PLCH2: variants seen among roughly 807,000 people sequenced by gnomAD.
PLCH2 encodes 1-phosphatidylinositol 4,5-bisphosphate phosphodiesterase eta-2.
PLCH2 carries 98 observed loss-of-function variants against 134.7 expected under a neutral mutation model. The observed-to-expected ratio is 0.73, with a 90% CI of 0.62 to 0.86. The LOEUF (loss-of-function observed/expected upper bound fraction) is 0.86, where lower values mean the gene tolerates loss of function less well. PLCH2 is among the 40% of genes least tolerant of loss of function. The pLI is 0.00. For synonymous variants in PLCH2, 974 were observed against 827.5 expected, an observed-to-expected ratio of 1.18 and a Z score of -3.04; for missense variants, 1,994 against 1,986.6, an observed-to-expected ratio of 1.00 and a Z score of -0.07.
chr1:2,459,481 C>T lies in PLCH2; in HGVS notation c.116-18995C>T, dbSNP rs1270455609. Among the ~76,000 whole-genome samples, 38 of 57,718 alleles carry T rather than the reference C, an allele frequency of 6.6e-4. 1 individual carries two copies. Among genetic ancestry groups the T allele is most frequent in the Non-Finnish European group, 1.1e-3 (26 of 24,692 alleles). The allele number at this position is 57,718 out of a possible 152,430, so 37.9% of individuals were successfully genotyped here. A position where few individuals can be genotyped will look rare whatever the true frequency, so the allele number is the denominator to read the frequency against. On this transcript the variant is annotated intron_variant, in intron 2 of 3. Coordinates refer to the PLCH2 transcript ENST00000609981. ...CCTGGTGGTTCTCCTTCCTGGTGGTCCTCCTTCCTGGTGGTCCTCCTTCCT... is the reference window on the plus strand; with the variant it reads ...CCTGGTGGTTCTCCTTCCTGGTGGTTCTCCTTCCTGGTGGTCCTCCTTCCT...
intron 2 of PLCH2, among the ~76,000 whole-genome samples, chr1:2,454,342 G>T (rs921910603): frequency 5.9e-5 from 9 of 152,188 alleles, no homozygotes; most frequent in Admixed American, 5.9e-4. Flanking sequence ...GGGTCTTAGG[G>T]CTGCCTCTGC....
chr1:2,498,602 G>A lies in PLCH2; in HGVS notation c.2304G>A (p.Gln768=), dbSNP rs896020538. Residue 768 remains glutamine, a synonymous_variant, in exon 17 of 22, where the codon CAG becomes CAA. Transcript: ENST00000378486. This position sits in a 1 kb window ranked among gnomAD's most constrained non-coding sequence, Gnocchi z 5.4. The stretch of plus-strand genomic sequence containing the variant: ...TGGTGCTCCGGATCATCAGTGGCCA[G>A]CAGCTTCCCAAGCCGCGCGACTCCA... ...KQLVLRIISG[Q]QLPKPRDSML... 3.1e-6 allele frequency: 5 copies of A among 1,588,758 alleles called. No homozygotes were observed. The highest frequency in any genetic ancestry group is 1.3e-5 in the African/African-American group (1 of 74,284).
At chr1:2,441,085 G>A (rs1477419849) in intron 2 of PLCH2, among the ~76,000 whole-genome samples, 3 of 152,164 alleles carry the variant, frequency 2.0e-5, no homozygotes, top group Non-Finnish European at 2.9e-5. Context: ...GAAGTGGAGG[G>A]GGTGGGTTCC....
At chr1:2,495,899 C>T (rs2100715390) in intron 13 of PLCH2, among the ~76,000 whole-genome samples, 1 of 152,270 alleles carries the variant, frequency 6.6e-6, no homozygotes, top group East Asian at 1.9e-4. Flanking sequence ...GCAACAAATG[C>T]CTGCCATGAA....
chr1:2,487,721 G>T lies in PLCH2; in HGVS notation c.1235+3G>T. 1 of 1,612,570 alleles carries T rather than the reference G, an allele frequency of 6.2e-7. No individual in the cohort carries two copies. The highest frequency in any genetic ancestry group is 1.1e-5 in the South Asian group (1 of 90,866). On this transcript the variant is annotated splice_donor_region_variant and intron_variant, in intron 8 of 21. Coordinates refer to ENST00000378486, the MANE Select transcript of PLCH2 (RefSeq NM_014638.4). ...AAATATGCCTTCATCAAGAATGAGT[G>T]AGTGGCTGGGCCTAGCGGGGCTGGC...
At position 2,496,815 on chromosome 1, in the gene PLCH2, A is replaced by C; in HGVS notation, c.1934-13A>C. 2.5e-6 allele frequency: 4 copies of C among 1,610,842 alleles called. No individual in the cohort carries two copies. Among genetic ancestry groups the C allele is most frequent in the Non-Finnish European group, 3.4e-6 (4 of 1,178,252 alleles). ...AGGACTGGCAGTCTGATGCCCGGTC[A>C]CCGGCGCCACAGCGGCGTCCAGCTG... On this transcript the variant is annotated splice_polypyrimidine_tract_variant and intron_variant, in intron 14 of 21. Transcript: ENST00000378486.
intron 2 of PLCH2, among the ~76,000 whole-genome samples, chr1:2,435,199 G>A (rs1031711703): frequency 4.6e-5 from 7 of 152,184 alleles, no homozygotes; most frequent in Non-Finnish European, 1.0e-4. Flanking sequence ...AGATGGTCCC[G>A]GGGGTGAGGA....
chr1:2,451,943 C>T (rs573788509), intron 2 of PLCH2, among the ~76,000 whole-genome samples: 1 of 152,338 alleles, frequency 6.6e-6, no homozygotes, highest in Middle Eastern at 3.4e-3. Flanking sequence ...TTCTGAGCCC[C>T]GGGATCTTTG....
chr1:2,452,317 A>G (rs10797425), intron 2 of PLCH2, among the ~76,000 whole-genome samples: 70,280 of 152,100 alleles, frequency 0.46, 16,930 homozygotes, highest in East Asian at 0.57. Flanking sequence ...CCTGCCTGGC[A>G]GGTAGCAGCC....
rs1643014585 is a variant in PLCH2 at position 2,498,431 on chromosome 1, G to T, written c.2225-92G>T. 30 of 1,438,018 alleles carry T rather than the reference G, an allele frequency of 2.1e-5. No homozygotes were observed. The highest frequency in any genetic ancestry group is 2.8e-5 in the Non-Finnish European group (30 of 1,062,372). The allele number at this position is 1,438,018 out of a possible 1,614,324, so 89.1% of individuals were successfully genotyped here. ...CACCGGCTCCAGTCTCCTATGTGGG[G>T]GCTGGGGAGGGGGCTGTTGGCAGCC... is the stretch of plus-strand genomic sequence containing the variant. On this transcript the variant is annotated intron_variant, in intron 16 of 21. Coordinates refer to ENST00000378486, the MANE Select transcript of PLCH2 (RefSeq NM_014638.4). The surrounding 1 kb of genome is among the most constrained non-coding windows in gnomAD (Gnocchi z 5.4).
In PLCH2 at chr1:2,477,708, G is replaced by C. The variant is rs564717163; in HGVS notation, c.125-768G>C. The stretch of plus-strand genomic sequence containing the variant: ...AGGAGGGGAGAGAAGGAGCGAGGCA[G>C]GCAGCCTGGGGGAGGGGAGGGGAGG... On this transcript the variant is annotated intron_variant, in intron 1 of 21. Transcript: ENST00000378486. 5.6e-4 allele frequency among the ~76,000 whole-genome samples: 85 copies of C among 152,338 alleles called. 1 individual carries two copies. The highest frequency in any genetic ancestry group is 1.0e-3 in the Non-Finnish European group (70 of 68,022).
the PLCH2 span, among the ~76,000 whole-genome samples, chr1:2,418,665 C>T: frequency 6.6e-6 from 1 of 152,242 alleles, no homozygotes; most frequent in South Asian, 2.1e-4. Flanking sequence ...GGCAAAGGCT[C>T]CCCAAGTTCC....
chr1:2,503,463 G>A lies in PLCH2; in HGVS notation c.2960-459G>A, dbSNP rs950283323. 6 of 607,434 alleles carry A rather than the reference G, an allele frequency of 9.9e-6. No homozygotes were observed. In the Admixed American group the frequency reaches 1.2e-4, roughly 12 times the overall value. 37.6% of individuals were successfully genotyped at this position (607,434 alleles called of 1,614,324 possible). A position where few individuals can be genotyped will look rare whatever the true frequency, so the allele number is the denominator to read the frequency against. On this transcript the variant is annotated intron_variant, in intron 21 of 21. Transcript: ENST00000378486. ...GTGGAGTAGATTCCCTGGGCCCCAG[G>A]GCTTCGCTGCTTTGGGCTGAAGCAC...
chr1:2,469,767 G>T (rs765218482), intron 1 of PLCH2, among the ~76,000 whole-genome samples: 1 of 152,244 alleles, frequency 6.6e-6, no homozygotes, highest in Non-Finnish European at 1.5e-5. Flanking sequence ...TGTGGGAAAG[G>T]CGAGTGGGCG....
the PLCH2 span, among the ~76,000 whole-genome samples, chr1:2,416,250 T>G: frequency 1.3e-5 from 2 of 151,972 alleles, no homozygotes; most frequent in African/African-American, 4.8e-5. Context: ...GTGGGCAAAG[T>G]GGGCGCTGGT....
rs115196747 is a variant in PLCH2, at chr1:2,434,208, G to A, written c.115+3579G>A. On this transcript the variant is annotated intron_variant, in intron 2 of 3. Transcript: ENST00000609981. ...GAGGTGGCTGGGTGTGCCAGGGGCCGGCGGGGGCCGCGCCTGGGCAGGGGG... is the reference window on the plus strand; with the variant it reads ...GAGGTGGCTGGGTGTGCCAGGGGCCAGCGGGGGCCGCGCCTGGGCAGGGGG... 2.6e-3 allele frequency among the ~76,000 whole-genome samples: 402 copies of A among 152,352 alleles called. 1 individual carries two copies. Among genetic ancestry groups the A allele is most frequent in the African/African-American group, 9.2e-3 (381 of 41,574 alleles).
In PLCH2 at chr1:2,504,348, C is replaced by T. The variant is rs560966351; in HGVS notation, c.3386C>T (p.Pro1129Leu). 111 of 1,611,264 alleles carry T rather than the reference C, an allele frequency of 6.9e-5. 1 individual carries two copies. The Admixed American group carries it at 8.7e-4, about 13-fold the overall frequency. Residue 1129 changes from proline to leucine, a missense_variant, in exon 22 of 22, where the codon CCG becomes CTG. This residue lies in a region of PLCH2 where 900 missense variants were observed against 752.3 expected (regional missense o/e 1.20). Coordinates refer to ENST00000378486, the MANE Select transcript of PLCH2 (RefSeq NM_014638.4). The part of the protein sequence containing the change: ...AVYSDATGSD[P>L]LWQRLEPCGH... ...TACTCCGATGCCACGGGCAGTGACC[C>T]GCTGTGGCAGCGGCTGGAGCCATGT... is the stretch of plus-strand genomic sequence containing the variant.
intron 2 of PLCH2, chr1:2,430,686 G>A (rs972620170): frequency 6.6e-6 from 1 of 150,616 alleles, no homozygotes; most frequent in African/African-American, 2.4e-5. Context: ...TTCTCCTGCT[G>A]AGTGCGTCTC....
intron 16 of PLCH2, chr1:2,497,845 G>A: frequency 2.0e-6 from 1 of 489,510 alleles, no homozygotes; most frequent in South Asian, 3.7e-5. Context: ...ATCCAGGGAT[G>A]GAGAACTGGG....
Sources: allele counts gnomAD v4.1 joint callset (sites outside exome capture counted in the v4.1 genomes callset), GRCh38; gene constraint gnomAD v4.1.1; regional missense constraint gnomAD v4.1.1; non-coding constraint Gnocchi (gnomAD v3.1); transcripts MANE v1.5; gene names NCBI Gene and HGNC (gene_info 2026-07-23, HGNC 2026-07-21).